RASL10B: variants seen among roughly 807,000 people sequenced by gnomAD.
The protein encoded by RASL10B is RAS like family 10 member B.
RASL10B carries 10 observed loss-of-function variants against 20.7 expected under a neutral mutation model. The observed-to-expected ratio is 0.48, with a 90% CI of 0.30 to 0.82. The LOEUF (loss-of-function observed/expected upper bound fraction) is 0.82, where lower values mean the gene tolerates loss of function less well. RASL10B is among the 40% of genes least tolerant of loss of function. The pLI, the probability that RASL10B is intolerant of heterozygous loss-of-function variation, is 0.07. For missense variants in RASL10B, 231 were observed against 295.4 expected (o/e 0.78, Z 1.60); for synonymous variants, 110 against 123.3 (o/e 0.89, Z 0.72).
Position 35,742,257 on chromosome 17 carries a change from G to A in RASL10B, c.*952G>A. On this transcript the variant is annotated 3_prime_UTR_variant, in exon 4 of 4. Coordinates refer to ENST00000603017, the MANE Select transcript of RASL10B (RefSeq NM_033315.4). ...CTGGGGTCTGGTCGTGGGCAGGATG[G>A]TGCCCAGAAGGGGGTTAGGTTGTCC... 1 of 152,442 alleles carries A rather than the reference G, an allele frequency of 6.6e-6. No individual in the cohort carries two copies. Among genetic ancestry groups the A allele is most frequent in the Non-Finnish European group, 1.5e-5 (1 of 68,206 alleles). 9.4% of individuals were successfully genotyped at this position (152,442 alleles called of 1,614,324 possible). A position where few individuals can be genotyped will look rare whatever the true frequency, so the allele number is the denominator to read the frequency against.
At chr17:35,740,287 G>C in intron 2 of RASL10B, 122 bp from the exon 3 acceptor site, 1 of 1,282,048 alleles carries the variant, frequency 7.8e-7, no homozygotes, top group Non-Finnish European at 1.1e-6. Context: ...GGGGATGGTC[G>C]GGTATGGAAG....
At position 35,740,356 on chromosome 17, in the gene RASL10B, T is replaced by G. The variant is rs966815811; in HGVS notation, c.217-53T>G. ...CCTCTGATGGGAGGTGTTTGGGGGC[T>G]AGGGGAGCCCTCATGGCTGCTCTGA... On this transcript the variant is annotated intron_variant, in intron 2 of 3. Transcript: ENST00000603017. 24 of 1,593,838 alleles carry G rather than the reference T, an allele frequency of 1.5e-5. No homozygotes were observed. The East Asian group carries it at 5.4e-4, about 36-fold the overall frequency.
intron 2 of RASL10B, among the ~76,000 whole-genome samples, chr17:35,738,961 G>T (rs1000851786): frequency 2.0e-5 from 3 of 152,168 alleles, no homozygotes; most frequent in Admixed American, 6.5e-5. Flanking sequence ...CAGGTTCCAG[G>T]CTCCTGGAGA....
rs2085625756 is a variant in RASL10B at position 35,741,065 on chromosome 17, C to T, written c.372C>T (p.Ile124=). The T allele has an allele frequency of 1.2e-6, 2 of 1,608,460 alleles. No individual in the cohort carries two copies. Among genetic ancestry groups the T allele is most frequent in the African/African-American group, 1.3e-5 (1 of 74,826 alleles). Residue 124 remains isoleucine (I), a synonymous_variant, in exon 4 of 4, where the codon ATC becomes ATT. Transcript: ENST00000603017. The stretch of plus-strand genomic sequence containing the variant: ...TCGGAACCTCAGAGACGCCCATCAT[C>T]ATCGTGGGCAACAAGCGGGACCTGC... ...RVIGTSETPI[I]IVGNKRDLQR... is the part of the protein sequence containing the mutation.
intron 1 of RASL10B, among the ~76,000 whole-genome samples, chr17:35,734,624 G>C (rs2143019436): frequency 6.6e-6 from 1 of 152,260 alleles, no homozygotes; most frequent in South Asian, 2.1e-4. Flanking sequence ...GCACAATCGA[G>C]TTCTCTCCCC....
chr17:35,732,028 A>G (rs1555596454), intron 1 of RASL10B, 150 bp downstream of exon 1: 1 of 140,438 alleles, frequency 7.1e-6, no homozygotes, highest in East Asian at 2.1e-4. Context: ...CGGGCGGGGA[A>G]GCGGCGCGGG....
At position 35,743,381 on chromosome 17, in the gene RASL10B, C is replaced by A. The variant is rs914757542; in HGVS notation, c.*2076C>A. The A allele has an allele frequency of 2.0e-5, 3 of 153,088 alleles. No individual in the cohort carries two copies. The highest frequency in any genetic ancestry group is 6.5e-5 in the Admixed American group (1 of 15,312). The allele number at this position is 153,088 out of a possible 1,614,324, so 9.5% of individuals were successfully genotyped here. ...GGTCTTGGATTTCAGGTCCCTCCAC[C>A]CCCATTCTGAGTCTCTGTCCTTCTC... On this transcript the variant is annotated 3_prime_UTR_variant, in exon 4 of 4. Coordinates refer to ENST00000603017, the MANE Select transcript of RASL10B (RefSeq NM_033315.4).
chr17:35,735,272 A>G lies in RASL10B; in HGVS notation c.88A>G (p.Ser30Gly). 1 of 1,613,920 alleles carries G rather than the reference A, an allele frequency of 6.2e-7. No homozygotes were observed. The highest frequency in any genetic ancestry group is 8.5e-7 in the Non-Finnish European group (1 of 1,180,034). The change falls in exon 2 of 4, where the codon AGC (serine) becomes GGC (glycine). Residue 30 changes from serine (S) to glycine (G), a missense_variant. Physicochemically the swap from Ser to Gly is moderately conservative, Grantham distance 56. Coordinates refer to ENST00000603017, the MANE Select transcript of RASL10B (RefSeq NM_033315.4). This position sits in a 1 kb window ranked among gnomAD's most constrained non-coding sequence, Gnocchi z 6.7. ...IVRQFLYNEF[S>G]EVCVPTTARR... ...GCGCCAGTTCTTGTACAACGAGTTCAGCGAGGTCTGCGTCCCCACCACCGC... is the reference window on the plus strand; with the variant it reads ...GCGCCAGTTCTTGTACAACGAGTTCGGCGAGGTCTGCGTCCCCACCACCGC...
Position 35,742,370 on chromosome 17 carries a change from G to T in RASL10B, c.*1065G>T, listed in dbSNP as rs1355294674. On this transcript the variant is annotated 3_prime_UTR_variant, in exon 4 of 4. Transcript: ENST00000603017. ...GATCTCAGACTATCCTGATTAATCT[G>T]GGGAAGAACAGAGCCAGGGAAAGAA... The T allele has an allele frequency of 6.6e-6, 1 of 152,386 alleles. No homozygotes were observed. The highest frequency in any genetic ancestry group is 1.9e-4 in the East Asian group (1 of 5,180). The allele number at this position is 152,386 out of a possible 1,614,324, so 9.4% of individuals were successfully genotyped here.
intron 3 of RASL10B, 123 bp downstream of exon 3, chr17:35,740,656 A>G (rs2085623498): frequency 1.4e-5 from 17 of 1,181,612 alleles, no homozygotes; most frequent in Non-Finnish European, 1.8e-5. Context: ...ATTTCCACAC[A>G]TACACTCAAA....
rs11306545 is a variant in RASL10B, at chr17:35,742,098, CT to C, written c.*805del. 48,359 of 146,514 alleles carry C rather than the reference CT, an allele frequency of 0.33. 8,946 individuals carry two copies. Among genetic ancestry groups the C allele is most frequent in the African/African-American group, 0.5 (20,184 of 39,974 alleles). 9.1% of individuals were successfully genotyped at this position (146,514 alleles called of 1,614,324 possible). On this transcript the variant is annotated 3_prime_UTR_variant, in exon 4 of 4. Coordinates refer to ENST00000603017, the MANE Select transcript of RASL10B (RefSeq NM_033315.4). The stretch of plus-strand genomic sequence containing the variant: ...CACCCCCTGGGTTAAAACTTTTTTT[CT>C]TTTTTTTTTTTGGACAGAGTGTGGA...
intron 2 of RASL10B, among the ~76,000 whole-genome samples, chr17:35,740,170 C>A (rs184999764): frequency 6.6e-6 from 1 of 152,190 alleles, no homozygotes; most frequent in Non-Finnish European, 1.5e-5. Flanking sequence ...TCCAGATGTG[C>A]ACAAGACAGT....
At chr17:35,736,324 A>T (rs1258844754) in intron 2 of RASL10B, among the ~76,000 whole-genome samples, 2 of 152,240 alleles carry the variant, frequency 1.3e-5, no homozygotes, top group Non-Finnish European at 2.9e-5. Flanking sequence ...CCCAGAAGAC[A>T]GGGGACAAGG....
chr17:35,733,020 G>A (rs1555596560), intron 1 of RASL10B, among the ~76,000 whole-genome samples: 1 of 152,182 alleles, frequency 6.6e-6, no homozygotes, highest in African/African-American at 2.4e-5. Context: ...CACTGCATGG[G>A]GCAGGAAGGA....
chr17:35,737,640 G>A (rs913144781), intron 2 of RASL10B, among the ~76,000 whole-genome samples: 3 of 149,524 alleles, frequency 2.0e-5, no homozygotes, highest in Admixed American at 7.1e-5. Flanking sequence ...GGTGGCTCAT[G>A]CCTATAATCC....
In RASL10B at chr17:35,742,806, T is replaced by A. The variant is rs1555598221; in HGVS notation, c.*1501T>A. 6.6e-6 allele frequency: 1 copy of A among 152,258 alleles called. No individual in the cohort carries two copies. The highest frequency in any genetic ancestry group is 2.4e-5 in the African/African-American group (1 of 41,436). The allele number at this position is 152,258 out of a possible 1,614,324, so 9.4% of individuals were successfully genotyped here. On this transcript the variant is annotated 3_prime_UTR_variant, in exon 4 of 4. Transcript: ENST00000603017. ...GAGGACAACTCCGCTTTGGCCAACC[T>A]AGCCAAGGCTGCAGCATATAGACCA...
intron 1 of RASL10B, among the ~76,000 whole-genome samples, chr17:35,733,394 C>T (rs117764057): frequency 2.3e-3 from 358 of 152,368 alleles, no homozygotes; most frequent in Middle Eastern, 6.8e-3. Context: ...AGGTGAATGG[C>T]AGAGCTAGGA....
At chr17:35,736,273 G>A (rs2085590993) in intron 2 of RASL10B, among the ~76,000 whole-genome samples, 1 of 152,252 alleles carries the variant, frequency 6.6e-6, no homozygotes, top group Non-Finnish European at 1.5e-5. Context: ...TGACCAGAGT[G>A]TACAGAGCTT....
chr17:35,734,951 CA>C (rs1432545647), intron 1 of RASL10B, 86 bp from the exon 2 acceptor site: 17 of 568,916 alleles, frequency 3.0e-5, no homozygotes, highest in Non-Finnish European at 5.3e-5. Flanking sequence ...GTGGCAGTAA[CA>C]GCTTCAGCAA....
Sources: allele counts gnomAD v4.1 joint callset (sites outside exome capture counted in the v4.1 genomes callset), GRCh38; gene constraint gnomAD v4.1.1; non-coding constraint Gnocchi (gnomAD v3.1); transcripts MANE v1.5; gene names NCBI Gene and HGNC (gene_info 2026-07-23, HGNC 2026-07-21).